DENND1A: variants seen among roughly 807,000 people sequenced by gnomAD.
The protein encoded by DENND1A is DENN domain-containing protein 1A.
DENND1A carries 51 observed loss-of-function variants against 113.7 expected under a neutral mutation model. That is an observed-to-expected ratio of 0.45 (90% CI 0.36 to 0.57). The LOEUF (loss-of-function observed/expected upper bound fraction) is 0.57, where lower values mean the gene tolerates loss of function less well. Among genes scored for constraint, DENND1A ranks in the 20% least tolerant of loss-of-function variants. The pLI, the probability that DENND1A is intolerant of heterozygous loss-of-function variation, is 0.00. For missense variants in DENND1A, 1,258 were observed against 1,395.9 expected (o/e 0.90, Z 1.57); for synonymous variants, 565 against 570.8 (o/e 0.99, Z 0.14).
rs2057924065 is a variant in DENND1A, at chr9:123,564,208, C to T, written c.868-6513G>A. On this transcript the variant is annotated intron_variant, in intron 12 of 23. Transcript: ENST00000394215. ...CTTTCTCCCCAGGAGAATGAAAATA[C>T]CCTTTTAATACACATTAGTGCTCAA... Among the ~76,000 whole-genome samples the T allele has an allele frequency of 2.0e-5, 3 of 152,222 alleles. No homozygotes were observed. The South Asian group carries it at 6.2e-4, about 32-fold the overall frequency.
chr9:123,711,116 A>G (rs772317340), intron 5 of DENND1A, among the ~76,000 whole-genome samples: 3 of 152,172 alleles, frequency 2.0e-5, no homozygotes, highest in Non-Finnish European at 4.4e-5. Flanking sequence ...CAATATATAC[A>G]TGTATCAAAA....
chr9:123,746,955 A>G (rs1280831203), intron 5 of DENND1A, among the ~76,000 whole-genome samples: 1 of 152,162 alleles, frequency 6.6e-6, no homozygotes, highest in Non-Finnish European at 1.5e-5. Flanking sequence ...GTGACAGTAA[A>G]AATCCTAGCT....
chr9:123,695,578 G>A (rs2065460924), intron 5 of DENND1A, among the ~76,000 whole-genome samples: 2 of 152,136 alleles, frequency 1.3e-5, no homozygotes, highest in African/African-American at 4.8e-5. Flanking sequence ...TTGACTGACT[G>A]TGAGGTCCTT....
At chr9:123,832,105 T>C (rs1840316276) in intron 2 of DENND1A, among the ~76,000 whole-genome samples, 1 of 152,200 alleles carries the variant, frequency 6.6e-6, no homozygotes, top group Non-Finnish European at 1.5e-5. Flanking sequence ...TATAAAATTA[T>C]GATGTCAATT....
At chr9:123,879,260 T>C (rs1847972787) in intron 1 of DENND1A, among the ~76,000 whole-genome samples, 1 of 152,044 alleles carries the variant, frequency 6.6e-6, no homozygotes, top group Non-Finnish European at 1.5e-5. Context: ...AGGTCAGGTG[T>C]GGTGGCTCAC....
chr9:123,528,672 T>A (rs2055042942), intron 13 of DENND1A, among the ~76,000 whole-genome samples: 1 of 152,184 alleles, frequency 6.6e-6, no homozygotes, highest in Non-Finnish European at 1.5e-5. Context: ...ACCAGCTTCC[T>A]CCCTGCCTCC....
chr9:123,782,054 G>T (rs185212836), intron 3 of DENND1A, among the ~76,000 whole-genome samples: 62 of 151,594 alleles, frequency 4.1e-4, no homozygotes, highest in African/African-American at 1.5e-3. Flanking sequence ...TGGGTGACTG[G>T]GTAAGACTCT....
intron 2 of DENND1A, among the ~76,000 whole-genome samples, chr9:123,832,628 GTAGA>G (rs138180910): frequency 0.023 from 3,577 of 152,258 alleles, 154 homozygotes; most frequent in African/African-American, 0.081. Context: ...TCTACAGACA[GTAGA>G]ATGGATCGAT....
intron 13 of DENND1A, among the ~76,000 whole-genome samples, chr9:123,517,888 G>T (rs1423523013): frequency 6.6e-6 from 1 of 152,146 alleles, no homozygotes; most frequent in East Asian, 1.9e-4. Flanking sequence ...AATGCGGAAC[G>T]CCTCTGGGTG....
At chr9:123,871,530 C>G (rs1235454628) in intron 2 of DENND1A, among the ~76,000 whole-genome samples, 6 of 152,146 alleles carry the variant, frequency 3.9e-5, no homozygotes, top group African/African-American at 1.4e-4. Context: ...AAATCTGGCT[C>G]TCAATATTTT....
chr9:123,711,538 T>TATATATATATAA (rs1491053939), intron 5 of DENND1A, among the ~76,000 whole-genome samples: 1 of 135,972 alleles, frequency 7.4e-6, no homozygotes, highest in African/African-American at 2.8e-5. Context: ...TATATATATA[T>TATATATATATAA]AAATTCAACA....
At chr9:123,878,812 A>G (rs670028) in intron 2 of DENND1A, 139 bp downstream of exon 2, 137,807 of 717,360 alleles carry the variant, frequency 0.19, 20,586 homozygotes, top group African/African-American at 0.65. Context: ...GGATAATGTG[A>G]GCATGAATAA....
intron 2 of DENND1A, among the ~76,000 whole-genome samples, chr9:123,850,859 T>C (rs764455039): frequency 1.3e-5 from 2 of 152,114 alleles, no homozygotes; most frequent in Admixed American, 1.3e-4. Context: ...AGAAATAGTA[T>C]TTAAGTCCCA....
At chr9:123,461,497 C>A (rs2048521019) in intron 13 of DENND1A, among the ~76,000 whole-genome samples, 1 of 152,170 alleles carries the variant, frequency 6.6e-6, no homozygotes, top group East Asian at 1.9e-4. Flanking sequence ...CAAGTGGCAC[C>A]CATGCACAGG....
At chr9:123,474,142 G>GCC in intron 13 of DENND1A, among the ~76,000 whole-genome samples, 1 of 151,822 alleles carries the variant, frequency 6.6e-6, no homozygotes, top group African/African-American at 2.4e-5. Context: ...TTACAGGCAT[G>GCC]CACCACCATG....
chr9:123,698,027 A>C (rs2140539239), intron 5 of DENND1A, among the ~76,000 whole-genome samples: 1 of 152,322 alleles, frequency 6.6e-6, no homozygotes, highest in East Asian at 1.9e-4. Flanking sequence ...CAGATAATAG[A>C]AGTTAAGGAC....
intron 21 of DENND1A, among the ~76,000 whole-genome samples, chr9:123,397,415 A>C (rs1007023896): frequency 6.6e-6 from 1 of 152,218 alleles, no homozygotes; most frequent in African/African-American, 2.4e-5. Flanking sequence ...TTGGCCTCCC[A>C]AAGTACTGGG....
At chr9:123,474,482 A>G (rs1057483125) in intron 13 of DENND1A, among the ~76,000 whole-genome samples, 1 of 152,266 alleles carries the variant, frequency 6.6e-6, no homozygotes, top group African/African-American at 2.4e-5. Flanking sequence ...AAATATTTTA[A>G]GCAAAAAGCT....
intron 10 of DENND1A, among the ~76,000 whole-genome samples, chr9:123,627,178 C>T (rs1462323671): frequency 1.3e-5 from 2 of 152,172 alleles, no homozygotes; most frequent in African/African-American, 2.4e-5. Flanking sequence ...TGCAAAGGCT[C>T]TCAGACTTTC....
Sources: gnomAD v4.1 joint callset for allele counts (sites outside exome capture counted in the v4.1 genomes callset) on GRCh38, gnomAD v4.1.1 for gene constraint, MANE v1.5 for transcripts, NCBI Gene and HGNC (gene_info 2026-07-23, HGNC 2026-07-21) for gene names.